FREM2: variants seen among roughly 807,000 people sequenced by gnomAD.
The protein encoded by FREM2 is FRAS1-related extracellular matrix protein 2.
A neutral mutation model predicts 219.9 loss-of-function variants in FREM2; 119 were observed. That is an observed-to-expected ratio of 0.54 (90% CI 0.47 to 0.63). The LOEUF (loss-of-function observed/expected upper bound fraction) is 0.63, where lower values mean the gene tolerates loss of function less well. Ranked by LOEUF, FREM2 falls within the 30% of genes least tolerant of loss-of-function variation. The pLI is 0.00. For synonymous variants in FREM2, 1,562 were observed against 1,522.8 expected, an observed-to-expected ratio of 1.03 and a Z score of -0.60; for missense variants, 4,030 against 3,993.6, an observed-to-expected ratio of 1.01 and a Z score of -0.25.
chr13:38,764,554 G>T, intron 3 of FREM2, 104 bp downstream of exon 3: 1 of 735,798 alleles, frequency 1.4e-6, no homozygotes, highest in South Asian at 2.0e-5. Flanking sequence ...AGAGCTTAAA[G>T]TTAAAATTTA....
At chr13:38,818,118 G>C (rs1875841096) in intron 6 of FREM2, among the ~76,000 whole-genome samples, 1 of 152,126 alleles carries the variant, frequency 6.6e-6, no homozygotes, top group Non-Finnish European at 1.5e-5. Flanking sequence ...ATGGAATACA[G>C]TATGGCGGTT....
chr13:38,742,401 G>A lies in FREM2; in HGVS notation c.5264-21903G>A, dbSNP rs1286167717. ...TGGACTAGAAAACATATGGAAATGT[G>A]AATTTGGCACAGGGGGCAAATAACA... is the stretch of plus-strand genomic sequence containing the variant. On this transcript the variant is annotated intron_variant, in intron 2 of 23. Transcript: ENST00000280481. Among the ~76,000 whole-genome samples, 3 of 152,188 alleles carry A rather than the reference G, an allele frequency of 2.0e-5. No homozygotes were observed. The East Asian group carries it at 5.8e-4, about 29-fold the overall frequency.
intron 2 of FREM2, among the ~76,000 whole-genome samples, chr13:38,737,762 A>G (rs1566122976): frequency 6.6e-6 from 1 of 152,194 alleles, no homozygotes; most frequent in Non-Finnish European, 1.5e-5. Context: ...CCCAAGGGGA[A>G]TGAGACTGGG....
chr13:38,800,928 C>T (rs1874984070), intron 6 of FREM2, among the ~76,000 whole-genome samples: 1 of 152,220 alleles, frequency 6.6e-6, no homozygotes, highest in African/African-American at 2.4e-5. Context: ...CCACACCCAG[C>T]AATTAAGTTG....
chr13:38,732,581 C>A (rs1021409441), intron 2 of FREM2, among the ~76,000 whole-genome samples: 1 of 152,100 alleles, frequency 6.6e-6, no homozygotes, highest in Admixed American at 6.6e-5. Context: ...TGTGGAAAGC[C>A]GGGGGAACTG....
chr13:38,799,603 C>A (rs1385585724), intron 6 of FREM2, among the ~76,000 whole-genome samples: 2 of 151,896 alleles, frequency 1.3e-5, no homozygotes, highest in Non-Finnish European at 2.9e-5. Context: ...CTGTGTTTTT[C>A]TTTAGACCTA....
intron 16 of FREM2, among the ~76,000 whole-genome samples, chr13:38,872,173 A>T (rs962027321): frequency 6.6e-6 from 1 of 152,238 alleles, no homozygotes; most frequent in African/African-American, 2.4e-5. Flanking sequence ...TGAAAACATT[A>T]TGCTAAATGA....
intron 2 of FREM2, among the ~76,000 whole-genome samples, chr13:38,744,905 G>A (rs964124534): frequency 6.6e-6 from 1 of 152,230 alleles, no homozygotes; most frequent in Non-Finnish European, 1.5e-5. Flanking sequence ...CAGAGGTCAT[G>A]ATGCAATAAC....
At chr13:38,710,031 A>G (rs1226407377) in intron 2 of FREM2, among the ~76,000 whole-genome samples, 1 of 137,282 alleles carries the variant, frequency 7.3e-6, no homozygotes, top group Non-Finnish European at 1.5e-5. Context: ...ACACACACAC[A>G]CACACAAATT....
chr13:38,807,694 T>C (rs186885749), intron 6 of FREM2, among the ~76,000 whole-genome samples: 1 of 152,084 alleles, frequency 6.6e-6, no homozygotes, highest in African/African-American at 2.4e-5. Flanking sequence ...TTCTGGGCAG[T>C]AAGTCTCAAT....
Position 38,880,437 on chromosome 13 carries a change from G to C in FREM2, c.9160G>C (p.Glu3054Gln). 2 of 1,614,104 alleles carry C rather than the reference G, an allele frequency of 1.2e-6. No homozygotes were observed. The highest frequency in any genetic ancestry group is 1.7e-6 in the Non-Finnish European group (2 of 1,180,012). Residue 3054 changes from glutamate to glutamine, a missense_variant, in exon 24 of 24, where the codon GAG becomes CAG. Glu to Gln is a conservative substitution (Grantham distance 29). Around this residue, in one of 2 missense-constraint regions of FREM2, gnomAD observed 928 missense variants for 1,042.9 expected, o/e 0.89. Coordinates refer to ENST00000280481, the MANE Select transcript of FREM2 (RefSeq NM_207361.6). ...CACCACCAAGAGCCGGAAGAAGAGA[G>C]AGATCAGGAGCACACCCTCACTGGC... ...QSTTKSRKKREIRSTPSLAWE... is the reference protein window; with the variant it reads ...QSTTKSRKKRQIRSTPSLAWE...
rs561831791 is a variant in FREM2, at chr13:38,872,643, A to G, written c.7984-99A>G. 1.0e-5 allele frequency: 10 copies of G among 970,678 alleles called. No homozygotes were observed. In the East Asian group the frequency reaches 1.9e-4, roughly 19 times the overall value. 60.1% of individuals were successfully genotyped at this position (970,678 alleles called of 1,614,324 possible). ...ATTTCCTCTTCTCAATGATTACTCA[A>G]AATCTTCAGTTAAGCGAAAAGAGAA... On this transcript the variant is annotated intron_variant, in intron 16 of 23. Transcript: ENST00000280481.
rs990615853 is a variant in FREM2 at position 38,881,311 on chromosome 13, T to C, written c.*524T>C. 3.6e-5 allele frequency: 6 copies of C among 165,836 alleles called. No homozygotes were observed. Among genetic ancestry groups the C allele is most frequent in the African/African-American group, 1.4e-4 (6 of 41,582 alleles). 10.3% of individuals were successfully genotyped at this position (165,836 alleles called of 1,614,324 possible). ...AGACAGCATAGAATTATGACCAGGG[T>C]GGCTCAACCCACAAATCAACTGATC... On this transcript the variant is annotated 3_prime_UTR_variant, in exon 24 of 24. Coordinates refer to ENST00000280481, the MANE Select transcript of FREM2 (RefSeq NM_207361.6).
At chr13:38,699,229 T>C (rs1209414157) in intron 2 of FREM2, among the ~76,000 whole-genome samples, 5 of 152,156 alleles carry the variant, frequency 3.3e-5, no homozygotes, top group Non-Finnish European at 7.4e-5. Context: ...TCTGTAAAAT[T>C]ACCAAAAAAA....
Position 38,762,759 on chromosome 13 carries a change from G to C in FREM2, c.5264-1545G>C, listed in dbSNP as rs151306372. Among the ~76,000 whole-genome samples, 630 of 152,130 alleles carry C rather than the reference G, an allele frequency of 4.1e-3. 6 individuals are homozygous for C. Among genetic ancestry groups the C allele is most frequent in the African/African-American group, 0.014 (588 of 41,500 alleles). ...CCCAATCTATTTATATTTTATAGTTGATAAATTAACTAAAAATAGGAAAGT... is the reference window on the plus strand; with the variant it reads ...CCCAATCTATTTATATTTTATAGTTCATAAATTAACTAAAAATAGGAAAGT... On this transcript the variant is annotated intron_variant, in intron 2 of 23. Coordinates refer to ENST00000280481, the MANE Select transcript of FREM2 (RefSeq NM_207361.6).
chr13:38,719,594 A>G (rs1338032865), intron 2 of FREM2, among the ~76,000 whole-genome samples: 1 of 152,138 alleles, frequency 6.6e-6, no homozygotes, highest in Admixed American at 6.5e-5. Flanking sequence ...GACCCTTGTG[A>G]TTCTGTTGGG....
Position 38,689,531 on chromosome 13 carries a change from T to C in FREM2, c.2187T>C (p.Thr729=), listed in dbSNP as rs757574860. ...TGAGGAAGAAGTGGCTGCGCTACAC[T>C]GACCTGGACACAGATGACCGAGAAC... ...TPLRKKWLRY[T]DLDTDDRELR... The change falls in exon 1 of 24, where the codon ACT becomes ACC. Residue 729 remains threonine (T), a synonymous_variant. Coordinates refer to ENST00000280481, the MANE Select transcript of FREM2 (RefSeq NM_207361.6). 2.5e-6 allele frequency: 4 copies of C among 1,614,010 alleles called. No homozygotes were observed. In the South Asian group the frequency reaches 4.4e-5, roughly 18 times the overall value.
At chr13:38,850,652 A>G (rs571168536) in intron 9 of FREM2, among the ~76,000 whole-genome samples, 4 of 152,372 alleles carry the variant, frequency 2.6e-5, no homozygotes, top group Non-Finnish European at 4.4e-5. Flanking sequence ...CTAAAAATTC[A>G]TAAATAAAAT....
intron 2 of FREM2, among the ~76,000 whole-genome samples, chr13:38,742,953 T>A (rs1363759853): frequency 6.6e-6 from 1 of 152,196 alleles, no homozygotes; most frequent in Non-Finnish European, 1.5e-5. Flanking sequence ...GTTTAGGCAT[T>A]GAACTAGGAC....
Sources: gnomAD v4.1 joint callset for allele counts (sites outside exome capture counted in the v4.1 genomes callset) on GRCh38, gnomAD v4.1.1 for gene constraint, gnomAD v4.1.1 regional missense constraint, MANE v1.5 for transcripts, NCBI Gene and HGNC (gene_info 2026-07-23, HGNC 2026-07-21) for gene names.